Variants in RFC1 observed in about 807,000 individuals in gnomAD.
RFC1 encodes replication factor C subunit 1, also known as A1 140 kDa subunit.
A neutral mutation model predicts 137.4 loss-of-function variants in RFC1; 37 were observed. The ratio of observed to expected loss-of-function variants is 0.27; its 90% CI spans 0.21 to 0.35. The LOEUF (loss-of-function observed/expected upper bound fraction) is 0.35. RFC1 is among the 10% of genes least tolerant of loss of function. RFC1 has a pLI of 1.00. For synonymous variants in RFC1, 429 were observed against 455.7 expected (o/e 0.94, Z 0.75); for missense variants, 1,205 against 1,358.5 (o/e 0.89, Z 1.78).
rs553697005 is a variant in RFC1 at position 39,340,708 on chromosome 4, G to C, written c.331+1637C>G. Reference sequence around the variant, plus strand: ...TAATAGTCTCATTCTCTTGTATGAAGGAAAGGGCTTATCTTCCTCCCATTC... The same window carrying C: ...TAATAGTCTCATTCTCTTGTATGAACGAAAGGGCTTATCTTCCTCCCATTC... On this transcript the variant is annotated intron_variant, in intron 4 of 24. Coordinates refer to ENST00000349703, the MANE Select transcript of RFC1 (RefSeq NM_002913.5). 4.7e-4 allele frequency among the ~76,000 whole-genome samples: 71 copies of C among 151,858 alleles called. 1 individual carries two copies. The South Asian group carries it at 0.013, about 27-fold the overall frequency.
intron 9 of RFC1, among the ~76,000 whole-genome samples, chr4:39,318,582 G>A (rs1047631893): frequency 6.6e-6 from 1 of 152,180 alleles, no homozygotes; most frequent in Non-Finnish European, 1.5e-5. Flanking sequence ...AAAGTTTTGA[G>A]TTATTTCTAT....
At chr4:39,315,612 C>T (rs1739200874) in intron 10 of RFC1, among the ~76,000 whole-genome samples, 1 of 152,200 alleles carries the variant, frequency 6.6e-6, no homozygotes, top group South Asian at 2.1e-4. Flanking sequence ...ACAACGAACT[C>T]ATTATCATCT....
At chr4:39,345,822 A>G (rs4974935) in intron 2 of RFC1, among the ~76,000 whole-genome samples, 148,639 of 152,254 alleles carry the variant, frequency 0.98, 72,658 homozygotes, top group Middle Eastern at 1. Context: ...ATTTTTACTT[A>G]TCACAAATGG....
At chr4:39,303,251 C>A (rs1308169909) in intron 15 of RFC1, 100 bp from the exon 16 acceptor site, 40 of 687,172 alleles carry the variant, frequency 5.8e-5, no homozygotes, top group Non-Finnish European at 7.8e-5. Flanking sequence ...TATTAAACTT[C>A]AAAAGCTACA....
At chr4:39,299,702 T>C (rs1032768894) in intron 21 of RFC1, among the ~76,000 whole-genome samples, 8 of 151,154 alleles carry the variant, frequency 5.3e-5, no homozygotes, top group African/African-American at 1.7e-4. Flanking sequence ...TTATAATCTG[T>C]AACAGACTAT....
chr4:39,348,237 T>C (rs1453537309), intron 2 of RFC1, among the ~76,000 whole-genome samples: 3 of 151,160 alleles, frequency 2.0e-5, no homozygotes, highest in Non-Finnish European at 2.9e-5. Context: ...GCTTGGCCAA[T>C]ATGGTAAAAC....
intron 4 of RFC1, among the ~76,000 whole-genome samples, chr4:39,340,752 T>C (rs1243051958): frequency 6.6e-6 from 1 of 152,056 alleles, no homozygotes; most frequent in East Asian, 1.9e-4. Context: ...TTTCAAACAA[T>C]AAAGTATGAA....
intron 2 of RFC1, 115 bp downstream of exon 2, chr4:39,351,233 A>C (rs1161847803): frequency 2.8e-5 from 17 of 617,058 alleles, no homozygotes; most frequent in Non-Finnish European, 3.5e-5. Flanking sequence ...CCTGGGCGAC[A>C]GAGCAAGACT....
intron 6 of RFC1, 50 bp from the exon 7 acceptor site, chr4:39,323,467 AAATAG>A: frequency 6.8e-7 from 1 of 1,476,586 alleles, no homozygotes; most frequent in Non-Finnish European, 9.4e-7. Flanking sequence ...TTCTTTTCGT[AAATAG>A]AATTTTTAAA....
chr4:39,294,385 T>A (rs1481194389), intron 22 of RFC1, among the ~76,000 whole-genome samples: 1 of 152,132 alleles, frequency 6.6e-6, no homozygotes, highest in East Asian at 1.9e-4. Context: ...TAAAAATGAA[T>A]CCAGGGGCCG....
At chr4:39,352,273 A>T (rs1206404549) in intron 1 of RFC1, among the ~76,000 whole-genome samples, 1 of 152,184 alleles carries the variant, frequency 6.6e-6, no homozygotes, top group African/African-American at 2.4e-5. Flanking sequence ...AAAAGCTTCA[A>T]ATTGTTTTCC....
chr4:39,295,230 T>TA (rs1044257015), intron 22 of RFC1, among the ~76,000 whole-genome samples: 2 of 152,206 alleles, frequency 1.3e-5, no homozygotes, highest in African/African-American at 2.4e-5. Flanking sequence ...AGTAAATTGG[T>TA]AAAAAATAGT....
Position 39,289,883 on chromosome 4 carries a change from C to CT in RFC1, c.3324dup (p.Asp1109ArgfsTer8). 6.2e-7 allele frequency: 1 copy of CT among 1,613,392 alleles called. No homozygotes were observed. Among genetic ancestry groups the CT allele is most frequent in the Non-Finnish European group, 8.5e-7 (1 of 1,179,332 alleles). ...GCATCAGTTTCTATAGCATCTTGGT[C>CT]TTTCTCATCAGATTGAGAGTCATCT... On this transcript the variant is annotated frameshift_variant, in exon 24 of 25. Transcript: ENST00000349703. LOFTEE classifies it high-confidence loss of function.
chr4:39,301,029 G>A (rs1422312488), intron 19 of RFC1, among the ~76,000 whole-genome samples: 1 of 151,474 alleles, frequency 6.6e-6, no homozygotes, highest in East Asian at 1.9e-4. Flanking sequence ...GGAGGCAGAG[G>A]CTACAGTGTG....
chr4:39,309,805 G>A (rs570570813), intron 12 of RFC1, among the ~76,000 whole-genome samples: 68 of 152,216 alleles, frequency 4.5e-4, no homozygotes, highest in Non-Finnish European at 8.2e-4. Flanking sequence ...TTATAAGGGT[G>A]GATTTTATAG....
intron 12 of RFC1, among the ~76,000 whole-genome samples, chr4:39,310,212 TAA>T (rs1223208036): frequency 1.3e-5 from 2 of 152,006 alleles, no homozygotes; most frequent in African/African-American, 4.8e-5. Context: ...CAGTACTCAT[TAA>T]AAGTGTCAAG....
chr4:39,365,153 G>GAAAAAAAA (rs745527928), intron 1 of RFC1, among the ~76,000 whole-genome samples: 131 of 79,368 alleles, frequency 1.7e-3, no homozygotes, highest in African/African-American at 1.8e-3. Context: ...GGGTTGAAAT[G>GAAAAAAAA]AAAAAAAAAA....
intron 11 of RFC1, among the ~76,000 whole-genome samples, chr4:39,312,336 AT>A (rs1560599691): frequency 6.6e-6 from 1 of 152,194 alleles, no homozygotes; most frequent in Non-Finnish European, 1.5e-5. Flanking sequence ...TCCACGGTTA[AT>A]CAGATATTCT....
chr4:39,335,026 G>A (rs1349170064), intron 4 of RFC1, among the ~76,000 whole-genome samples: 3 of 152,300 alleles, frequency 2.0e-5, no homozygotes, highest in East Asian at 1.9e-4. Context: ...TCATACTGCT[G>A]AGAATCTGGC....
Sources: allele counts gnomAD v4.1 joint callset (sites outside exome capture counted in the v4.1 genomes callset), GRCh38; gene constraint gnomAD v4.1.1; transcripts MANE v1.5; gene names NCBI Gene and HGNC (gene_info 2026-07-23, HGNC 2026-07-21).